IQCF6: variants seen among roughly 807,000 people sequenced by gnomAD.
IQCF6 encodes IQ motif containing F6.
In IQCF6, 15 loss-of-function variants were observed where a neutral mutation model predicts 16.8. The ratio of observed to expected loss-of-function variants is 0.89; its 90% confidence interval spans 0.60 to 1.37. IQCF6 has a LOEUF of 1.37. Ranked by LOEUF, IQCF6 falls within the 40% of genes most tolerant of loss-of-function variation. The pLI is 0.00. For missense variants in IQCF6, 169 were observed against 197.4 expected, an observed-to-expected ratio of 0.86 and a Z score of 0.86; for synonymous variants, 64 against 72.8, an observed-to-expected ratio of 0.88 and a Z score of 0.61.
rs1048047694 is a variant in IQCF6, at chr3:51,778,750, C to T, written c.314G>A (p.Arg105His). 71 of 1,551,516 alleles carry T rather than the reference C, an allele frequency of 4.6e-5. No individual in the cohort carries two copies. The East Asian group carries it at 5.6e-4, about 12-fold the overall frequency. The change falls in exon 2 of 2, where the codon CGC becomes CAC. Residue 105 changes from arginine (R) to histidine (H), a missense_variant. Physicochemically the swap from Arg to His is conservative, Grantham distance 29 (BLOSUM62 0). Transcript: ENST00000667863. ...AGACTGGATGATGCAGGCCGCTTGG[C>T]GTGCCTGGAGGAACCGCCTGCGGGC... is the stretch of plus-strand genomic sequence containing the variant. ...WQARRRFLQA[R>H]QAACIIQSHW...
rs369820628 is a variant in IQCF6, at chr3:51,778,619, C to T, written c.*4G>A. On this transcript the variant is annotated 3_prime_UTR_variant, in exon 2 of 2. Coordinates refer to ENST00000667863, the MANE Select transcript of IQCF6 (RefSeq NM_001368369.1). ...GATCCAGCCTCCTTGGCTCTGTCAG[C>T]GCCCTAGGTCATGAGGATTTCGATG... 70 of 1,518,214 alleles carry T rather than the reference C, an allele frequency of 4.6e-5. No individual in the cohort carries two copies. The East Asian group carries it at 1.1e-3, about 25-fold the overall frequency. The allele number at this position is 1,518,214 out of a possible 1,614,324, so 94.0% of individuals were successfully genotyped here. A position where few individuals can be genotyped will look rare whatever the true frequency, so the allele number is the denominator to read the frequency against.
chr3:51,778,880 T>C lies in IQCF6; in HGVS notation c.184A>G (p.Met62Val), dbSNP rs773889934. 2.8e-5 allele frequency: 43 copies of C among 1,551,946 alleles called. No homozygotes were observed. The highest frequency in any genetic ancestry group is 2.7e-4 in the African/African-American group (20 of 73,068). ...CTTTGCTCCAACATCTTGGCCTGCATTGACCTCCACCAGCACTGGATGACC... is the reference window on the plus strand; with the variant it reads ...CTTTGCTCCAACATCTTGGCCTGCACTGACCTCCACCAGCACTGGATGACC... ...AWVIQCWWRS[M>V]QAKMLEQRRR... Residue 62 changes from methionine to valine, a missense_variant, in exon 2 of 2, where the codon ATG (methionine) becomes GTG (valine). Met to Val is a conservative substitution (Grantham distance 21). Coordinates refer to ENST00000667863, the MANE Select transcript of IQCF6 (RefSeq NM_001368369.1).
In IQCF6 at chr3:51,778,662, G is replaced by A; in HGVS notation, c.402C>T (p.Ala134=). 1.9e-6 allele frequency: 3 copies of A among 1,545,036 alleles called. No homozygotes were observed. Among genetic ancestry groups the A allele is most frequent in the Non-Finnish European group, 2.6e-6 (3 of 1,141,568 alleles). Residue 134 remains alanine, a synonymous_variant, in exon 2 of 2, where the codon GCC becomes GCT. Transcript: ENST00000667863. ...GLIRGHYEVR[A]SRLELDIEIL... ...TTTCGATGTCAAGCTCCAGCCGGCT[G>A]GCTCTGACCTCATAGTGGCCCCGGA...
At position 51,778,774 on chromosome 3, in the gene IQCF6, G is replaced by A. The variant is rs980365235; in HGVS notation, c.290C>T (p.Ala97Val). The change falls in exon 2 of 2, where the codon GCC (alanine) becomes GTC (valine). Residue 97 changes from alanine to valine, a missense_variant. Physicochemically the swap from Ala to Val is moderately conservative, Grantham distance 64. Transcript: ENST00000667863. The part of the protein sequence containing the change: ...KVQAQVRMWQ[A>V]RRRFLQARQA... ...GCGTGCCTGGAGGAACCGCCTGCGG[G>A]CCTGCCACATTCGAACCTGTGCCTG... 3.2e-6 allele frequency: 5 copies of A among 1,551,474 alleles called. No homozygotes were observed. The highest frequency in any genetic ancestry group is 4.4e-6 in the Non-Finnish European group (5 of 1,146,990).
In IQCF6 at chr3:51,778,936, C is replaced by G. The variant is rs11130296; in HGVS notation, c.128G>C (p.Arg43Pro). The change falls in exon 2 of 2, where the codon CGG (arginine) becomes CCG (proline). Residue 43 changes from arginine to proline, a missense_variant. Transcript: ENST00000667863. ...TCTGAGTGCTGCCTGCAGTAACGTC[C>G]GGCGCACCATGTTTCCACGCCACCA... The part of the protein sequence containing the change: ...QSWWRGNMVR[R>P]TLLQAALRAW... 6.5e-7 allele frequency: 1 copy of G among 1,548,390 alleles called. No individual in the cohort carries two copies. Among genetic ancestry groups the G allele is most frequent in the East Asian group, 2.5e-5 (1 of 40,798 alleles).
At position 51,779,168 on chromosome 3, in the gene IQCF6, AT is replaced by A; in HGVS notation, c.56del (p.Asn19MetfsTer5). On this transcript the variant is annotated frameshift_variant, in exon 1 of 2. Transcript: ENST00000667863. LOFTEE classifies it high-confidence loss of function. ...ALAVGTYLTGNEPCLNLEKTA... is the reference protein window; with the variant it reads ...ALAVGTYLTGXEPCLNLEKTA... Reference sequence around the variant, plus strand: ...CCCCACTCACATTTAGACACGGTTCATTACCTGTCAGGTAAGTCCCTACTGC... The same window carrying A: ...CCCCACTCACATTTAGACACGGTTCATACCTGTCAGGTAAGTCCCTACTGC... The A allele has an allele frequency of 7.1e-7, 1 of 1,413,334 alleles. No homozygotes were observed. The highest frequency in any genetic ancestry group is 9.2e-7 in the Non-Finnish European group (1 of 1,086,208). 87.5% of individuals were successfully genotyped at this position (1,413,334 alleles called of 1,614,324 possible). A position where few individuals can be genotyped will look rare whatever the true frequency, so the allele number is the denominator to read the frequency against.
rs1704810868 is a variant in IQCF6 at position 51,778,747 on chromosome 3, T to TGGCGTGCCTGGAGGAACCGCCTGCG, written c.292_316dup (p.Gln106ProfsTer34). ...GTGAGACTGGATGATGCAGGCCGCT[T>TGGCGTGCCTGGAGGAACCGCCTGCG]GGCGTGCCTGGAGGAACCGCCTGCG... On this transcript the variant is annotated frameshift_variant, in exon 2 of 2. Coordinates refer to ENST00000667863, the MANE Select transcript of IQCF6 (RefSeq NM_001368369.1). LOFTEE classifies it high-confidence loss of function. The TGGCGTGCCTGGAGGAACCGCCTGCG allele has an allele frequency of 6.4e-7, 1 of 1,551,520 alleles. No individual in the cohort carries two copies. The highest frequency in any genetic ancestry group is 8.7e-7 in the Non-Finnish European group (1 of 1,146,998).
Position 51,778,722 on chromosome 3 carries a change from G to T in IQCF6, c.342C>A (p.His114Gln). ...ARQAACIIQS[H>Q]WRWHASQTRG... Reference sequence around the variant, plus strand: ...GGGTTTGGCTGGCATGCCAGCGCCAGTGAGACTGGATGATGCAGGCCGCTT... The same window carrying T: ...GGGTTTGGCTGGCATGCCAGCGCCATTGAGACTGGATGATGCAGGCCGCTT... Residue 114 changes from histidine to glutamine, a missense_variant, in exon 2 of 2, where the codon CAC (histidine) becomes CAA (glutamine). By Grantham distance (24) the His-to-Gln change is conservative. Transcript: ENST00000667863. 6.4e-7 allele frequency: 1 copy of T among 1,551,730 alleles called. No homozygotes were observed. Among genetic ancestry groups the T allele is most frequent in the South Asian group, 1.2e-5 (1 of 84,060 alleles).
intron 1 of IQCF6, 37 bp from the exon 2 acceptor site, chr3:51,779,028 TG>T (rs2107165705): frequency 6.7e-7 from 1 of 1,490,704 alleles, no homozygotes; most frequent in South Asian, 1.3e-5. Context: ...AGATGCTCAA[TG>T]GGGGACCCTC....
rs758029843 is a variant in IQCF6, at chr3:51,778,595, A to G, written c.*28T>C. On this transcript the variant is annotated 3_prime_UTR_variant, in exon 2 of 2. Coordinates refer to ENST00000667863, the MANE Select transcript of IQCF6 (RefSeq NM_001368369.1). ...AGTAAGGGTCTTTATTGGAAGAGAG[A>G]TCCAGCCTCCTTGGCTCTGTCAGCG... is the stretch of plus-strand genomic sequence containing the variant. The G allele has an allele frequency of 6.7e-7, 1 of 1,487,906 alleles. No individual in the cohort carries two copies. Among genetic ancestry groups the G allele is most frequent in the Middle Eastern group, 1.8e-4 (1 of 5,660 alleles). 92.2% of individuals were successfully genotyped at this position (1,487,906 alleles called of 1,614,324 possible).
At chr3:51,779,035 C>A in intron 1 of IQCF6, 44 bp from the exon 2 acceptor site, 1 of 1,483,830 alleles carries the variant, frequency 6.7e-7, no homozygotes, top group Admixed American at 2.2e-5. Context: ...CAATGGGGGA[C>A]CCTCCCCTCC....
In IQCF6 at chr3:51,778,999, G is replaced by C; in HGVS notation, c.73-8C>G. 4.0e-5 allele frequency: 60 copies of C among 1,513,330 alleles called. No individual in the cohort carries two copies. The highest frequency in any genetic ancestry group is 5.3e-5 in the Non-Finnish European group (60 of 1,123,808). 93.7% of individuals were successfully genotyped at this position (1,513,330 alleles called of 1,614,324 possible). ...TATGGCTGTCTTCTCTAACTGATTG[G>C]GGGAAAGGAAAAACAGGGAGATGCT... On this transcript the variant is annotated splice_polypyrimidine_tract_variant and splice_region_variant and intron_variant, in intron 1 of 1. Transcript: ENST00000667863.
chr3:51,779,029 G>A, intron 1 of IQCF6, 38 bp from the exon 2 acceptor site: 2 of 1,490,410 alleles, frequency 1.3e-6, no homozygotes, highest in Non-Finnish European at 1.8e-6. Context: ...GATGCTCAAT[G>A]GGGGACCCTC....
Position 51,778,575 on chromosome 3 carries a change from G to C in IQCF6, c.*48C>G. 1 of 1,473,018 alleles carries C rather than the reference G, an allele frequency of 6.8e-7. No homozygotes were observed. The highest frequency in any genetic ancestry group is 9.0e-7 in the Non-Finnish European group (1 of 1,106,442). 91.2% of individuals were successfully genotyped at this position (1,473,018 alleles called of 1,614,324 possible). On this transcript the variant is annotated 3_prime_UTR_variant, in exon 2 of 2. Transcript: ENST00000667863. ...CAAAGGGCAAGTGTATGGTCAGTAAGGGTCTTTATTGGAAGAGAGATCCAG... is the reference window on the plus strand; with the variant it reads ...CAAAGGGCAAGTGTATGGTCAGTAACGGTCTTTATTGGAAGAGAGATCCAG...
Position 51,778,656 on chromosome 3 carries a change from C to T in IQCF6, c.408G>A (p.Arg136=). Residue 136 remains arginine (R), a synonymous_variant, in exon 2 of 2, where the codon CGG becomes CGA. Transcript: ENST00000667863. The stretch of plus-strand genomic sequence containing the variant: ...TGAGGATTTCGATGTCAAGCTCCAG[C>T]CGGCTGGCTCTGACCTCATAGTGGC... The part of the protein sequence containing the change: ...IRGHYEVRAS[R]LELDIEILMT 1 of 1,542,680 alleles carries T rather than the reference C, an allele frequency of 6.5e-7. No homozygotes were observed. The highest frequency in any genetic ancestry group is 8.8e-7 in the Non-Finnish European group (1 of 1,139,982).
Position 51,778,587 on chromosome 3 carries a change from G to A in IQCF6, c.*36C>T. 1 of 1,480,880 alleles carries A rather than the reference G, an allele frequency of 6.8e-7. No individual in the cohort carries two copies. The highest frequency in any genetic ancestry group is 2.4e-5 in the Admixed American group (1 of 41,712). 91.7% of individuals were successfully genotyped at this position (1,480,880 alleles called of 1,614,324 possible). A position where few individuals can be genotyped will look rare whatever the true frequency, so the allele number is the denominator to read the frequency against. On this transcript the variant is annotated 3_prime_UTR_variant, in exon 2 of 2. Coordinates refer to ENST00000667863, the MANE Select transcript of IQCF6 (RefSeq NM_001368369.1). ...GTATGGTCAGTAAGGGTCTTTATTG[G>A]AAGAGAGATCCAGCCTCCTTGGCTC...
At position 51,778,573 on chromosome 3, in the gene IQCF6, A is replaced by G; in HGVS notation, c.*50T>C. On this transcript the variant is annotated 3_prime_UTR_variant, in exon 2 of 2. Coordinates refer to ENST00000667863, the MANE Select transcript of IQCF6 (RefSeq NM_001368369.1). ...TCCAAAGGGCAAGTGTATGGTCAGT[A>G]AGGGTCTTTATTGGAAGAGAGATCC... 2 of 1,471,760 alleles carry G rather than the reference A, an allele frequency of 1.4e-6. No individual in the cohort carries two copies. The highest frequency in any genetic ancestry group is 1.4e-5 in the African/African-American group (1 of 70,660). 91.2% of individuals were successfully genotyped at this position (1,471,760 alleles called of 1,614,324 possible). A position where few individuals can be genotyped will look rare whatever the true frequency, so the allele number is the denominator to read the frequency against.
In IQCF6 at chr3:51,778,742, C is replaced by T. The variant is rs1292287971; in HGVS notation, c.322G>A (p.Ala108Thr). ...CGCCAGTGAGACTGGATGATGCAGG[C>T]CGCTTGGCGTGCCTGGAGGAACCGC... ...RRRFLQARQA[A>T]CIIQSHWRWH... Residue 108 changes from alanine to threonine, a missense_variant, in exon 2 of 2, where the codon GCC becomes ACC. Coordinates refer to ENST00000667863, the MANE Select transcript of IQCF6 (RefSeq NM_001368369.1). 1 of 1,551,626 alleles carries T rather than the reference C, an allele frequency of 6.4e-7. No individual in the cohort carries two copies. The highest frequency in any genetic ancestry group is 8.7e-7 in the Non-Finnish European group (1 of 1,146,960).
At position 51,779,171 on chromosome 3, in the gene IQCF6, A is replaced by G. The variant is rs953853019; in HGVS notation, c.54T>C (p.Gly18=). The G allele has an allele frequency of 2.1e-6, 3 of 1,411,490 alleles. No individual in the cohort carries two copies. The highest frequency in any genetic ancestry group is 1.8e-4 in the Middle Eastern group (1 of 5,450). 87.4% of individuals were successfully genotyped at this position (1,411,490 alleles called of 1,614,324 possible). A position where few individuals can be genotyped will look rare whatever the true frequency, so the allele number is the denominator to read the frequency against. ...KALAVGTYLT[G]NEPCLNLEKT... ...CACTCACATTTAGACACGGTTCATT[A>G]CCTGTCAGGTAAGTCCCTACTGCAA... Residue 18 remains glycine, a synonymous_variant, in exon 1 of 2, where the codon GGT becomes GGC. Coordinates refer to ENST00000667863, the MANE Select transcript of IQCF6 (RefSeq NM_001368369.1).
Sources: allele counts gnomAD v4.1 joint callset, GRCh38; gene constraint gnomAD v4.1.1; transcripts MANE v1.5; gene names NCBI Gene and HGNC (gene_info 2026-07-23, HGNC 2026-07-21).